The following PDZRN4 variants were observed in gnomAD, a reference collection of about 807,000 sequenced individuals.
The protein encoded by PDZRN4 is PDZ domain containing ring finger 4, also known as PDZ domain-containing RING finger protein 4.
A neutral mutation model predicts 99.0 loss-of-function variants in PDZRN4; 70 were observed. The observed-to-expected ratio is 0.71, with a 90% CI of 0.58 to 0.86. PDZRN4 has a LOEUF of 0.86. PDZRN4 is among the 40% of genes least tolerant of loss of function. PDZRN4 has a pLI of 0.00. For missense variants in PDZRN4, 1,474 were observed against 1,331.2 expected (o/e 1.11, Z -1.67); for synonymous variants, 551 against 501.6 (o/e 1.10, Z -1.32).
intron 8 of PDZRN4, among the ~76,000 whole-genome samples, chr12:41,566,713 GT>G (rs1939378614): frequency 6.6e-6 from 1 of 152,140 alleles, no homozygotes; most frequent in Non-Finnish European, 1.5e-5. Context: ...TTGTTTTTAA[GT>G]TGTAGAAGTT....
At chr12:41,192,034 G>T (rs1167185710) in intron 2 of PDZRN4, among the ~76,000 whole-genome samples, 1 of 152,004 alleles carries the variant, frequency 6.6e-6, no homozygotes, top group African/African-American at 2.4e-5. Flanking sequence ...CCACCTCACG[G>T]TCTCCCAAAG....
intron 3 of PDZRN4, among the ~76,000 whole-genome samples, chr12:41,488,430 G>A (rs1937818350): frequency 6.6e-6 from 1 of 152,220 alleles, no homozygotes; most frequent in Admixed American, 6.5e-5. Context: ...TAAGATCTAT[G>A]TGGAAAATTT....
intron 5 of PDZRN4, among the ~76,000 whole-genome samples, chr12:41,533,327 A>G (rs919674016): frequency 2.6e-5 from 4 of 151,830 alleles, no homozygotes; most frequent in Non-Finnish European, 5.9e-5. Context: ...GGCGAGTGCC[A>G]CCACACCTGG....
chr12:41,356,754 G>T (rs367606261), intron 3 of PDZRN4, among the ~76,000 whole-genome samples: 1 of 151,910 alleles, frequency 6.6e-6, no homozygotes, highest in African/African-American at 2.4e-5. Context: ...GATTTCATCT[G>T]GTAGAGACTT....
chr12:41,392,697 G>T (rs187550840), intron 3 of PDZRN4, among the ~76,000 whole-genome samples: 1 of 152,112 alleles, frequency 6.6e-6, no homozygotes, highest in Non-Finnish European at 1.5e-5. Context: ...TATATTTGGG[G>T]TATGTAGGAG....
intron 3 of PDZRN4, among the ~76,000 whole-genome samples, chr12:41,303,302 C>T (rs1307085074): frequency 1.3e-5 from 2 of 152,252 alleles, no homozygotes; most frequent in East Asian, 1.9e-4. Context: ...TTAGAGAAAA[C>T]CCTCCTGAGT....
intron 3 of PDZRN4, among the ~76,000 whole-genome samples, chr12:41,360,118 A>G (rs555077591): frequency 6.6e-6 from 1 of 151,998 alleles, no homozygotes; most frequent in African/African-American, 2.4e-5. Flanking sequence ...AGCTCCATGA[A>G]CATAGAAACC....
intron 3 of PDZRN4, among the ~76,000 whole-genome samples, chr12:41,343,544 A>G (rs7315905): frequency 0.38 from 58,318 of 151,674 alleles, 11,309 homozygotes; most frequent in African/African-American, 0.41. Context: ...TTATCATGGA[A>G]GAAGAGAATA....
chr12:41,373,466 G>A (rs1952058295), intron 3 of PDZRN4, among the ~76,000 whole-genome samples: 1 of 152,072 alleles, frequency 6.6e-6, no homozygotes, highest in African/African-American at 2.4e-5. Flanking sequence ...TCTCAGGGAT[G>A]TTCCTCACTG....
chr12:41,477,964 T>G, intron 3 of PDZRN4: 1 of 1,242,810 alleles, frequency 8.0e-7, no homozygotes, highest in Admixed American at 2.0e-5. Context: ...ATTCTCTTGC[T>G]TATCAGTGAG....
At chr12:41,254,676 C>G (rs1024640699) in intron 3 of PDZRN4, among the ~76,000 whole-genome samples, 3 of 152,180 alleles carry the variant, frequency 2.0e-5, no homozygotes, top group Non-Finnish European at 4.4e-5. Context: ...AAGATGCAGG[C>G]AGTAAAACAA....
At chr12:41,355,306 G>T (rs891352227) in intron 3 of PDZRN4, among the ~76,000 whole-genome samples, 7 of 152,020 alleles carry the variant, frequency 4.6e-5, no homozygotes, top group Admixed American at 4.6e-4. Flanking sequence ...GAGTGGGGCG[G>T]TGATGACACA....
chr12:41,356,325 T>C (rs1223175653), intron 3 of PDZRN4, among the ~76,000 whole-genome samples: 4 of 152,044 alleles, frequency 2.6e-5, no homozygotes, highest in Non-Finnish European at 5.9e-5. Context: ...AGTTAAATGA[T>C]TGTTTCCTCT....
intron 3 of PDZRN4, among the ~76,000 whole-genome samples, chr12:41,480,112 T>G (rs1242448517): frequency 6.6e-6 from 1 of 152,190 alleles, no homozygotes; most frequent in African/African-American, 2.4e-5. Flanking sequence ...TGGGCATGAT[T>G]TGGAAATATT....
chr12:41,244,912 G>T (rs1194528885), intron 3 of PDZRN4, among the ~76,000 whole-genome samples: 1 of 143,866 alleles, frequency 7.0e-6, no homozygotes, highest in East Asian at 2.1e-4. Context: ...GGATGGTCTC[G>T]ATCTCCTGAC....
At chr12:41,389,899 C>T (rs1037851608) in intron 3 of PDZRN4, among the ~76,000 whole-genome samples, 1 of 152,214 alleles carries the variant, frequency 6.6e-6, no homozygotes, top group Non-Finnish European at 1.5e-5. Flanking sequence ...GTAGTCATGA[C>T]ATTCACCATT....
intron 3 of PDZRN4, among the ~76,000 whole-genome samples, chr12:41,396,493 T>C (rs1043808355): frequency 7.2e-5 from 11 of 152,178 alleles, no homozygotes; most frequent in Non-Finnish European, 1.3e-4. Flanking sequence ...GTGTAGCAAA[T>C]TACCCAAAAT....
chr12:41,257,670 T>G (rs1191317338), intron 3 of PDZRN4, among the ~76,000 whole-genome samples: 1 of 152,202 alleles, frequency 6.6e-6, no homozygotes, highest in African/African-American at 2.4e-5. Flanking sequence ...GGAAGTGTGG[T>G]ATCATGAAAT....
intron 5 of PDZRN4, among the ~76,000 whole-genome samples, chr12:41,514,054 C>T (rs1357391728): frequency 4.6e-5 from 7 of 152,022 alleles, no homozygotes; most frequent in Admixed American, 2.0e-4. Flanking sequence ...GAAATAAGTA[C>T]CCTTTATGCG....
Sources: allele counts gnomAD v4.1 joint callset (sites outside exome capture counted in the v4.1 genomes callset), GRCh38; gene constraint gnomAD v4.1.1; transcripts MANE v1.5; gene names NCBI Gene and HGNC (gene_info 2026-07-23, HGNC 2026-07-21).